BAIAP2L2: variants seen among roughly 807,000 people sequenced by gnomAD.
BAIAP2L2 encodes BAR/IMD domain containing adaptor protein 2 like 2, also known as BAR/IMD domain-containing adapter protein 2-like 2.
A neutral mutation model predicts 60.4 loss-of-function variants in BAIAP2L2; 65 were observed. The observed-to-expected ratio is 1.08, with a 90% CI of 0.88 to 1.32. The LOEUF is 1.32. Ranked by LOEUF, BAIAP2L2 falls within the 40% of genes most tolerant of loss-of-function variation. The pLI, the probability that BAIAP2L2 is intolerant of heterozygous loss-of-function variation, is 0.00. For synonymous variants in BAIAP2L2, 344 were observed against 301.7 expected (o/e 1.14, Z -1.45); for missense variants, 836 against 741.2 (o/e 1.13, Z -1.48).
Position 38,110,558 on chromosome 22 carries a change from G to C in BAIAP2L2, c.-33C>G. 6.3e-7 allele frequency: 1 copy of C among 1,582,372 alleles called. No homozygotes were observed. ...CTGTCCCGGGTCTGAGCAGGAGGCTGGGAGCTGGTGGCGATGGCACAGCCG... is the reference window on the plus strand; with the variant it reads ...CTGTCCCGGGTCTGAGCAGGAGGCTCGGAGCTGGTGGCGATGGCACAGCCG... On this transcript the variant is annotated 5_prime_UTR_variant, in exon 1 of 14. Coordinates refer to ENST00000381669, the MANE Select transcript of BAIAP2L2 (RefSeq NM_025045.6).
intron 3 of BAIAP2L2, 56 bp downstream of exon 3, chr22:38,108,199 C>G: frequency 6.6e-7 from 1 of 1,512,168 alleles, no homozygotes; most frequent in Non-Finnish European, 9.1e-7. Context: ...CCTGGAAGGG[C>G]AAGGGTGCAA....
intron 1 of BAIAP2L2, among the ~76,000 whole-genome samples, chr22:38,110,088 A>AGAGAGAGAGAGAGAGAGAGG (rs2086787647): frequency 3.5e-5 from 1 of 28,944 alleles, no homozygotes; most frequent in Non-Finnish European, 8.9e-5. Flanking sequence ...AGAGACAGAG[A>AGAGAGAGAGAGAGAGAGAGG]GAGAGAGAGA....
At chr22:38,089,412 T>G in intron 8 of BAIAP2L2, 110 bp downstream of exon 8, 4 of 601,244 alleles carry the variant, frequency 6.7e-6, no homozygotes, top group Non-Finnish European at 9.4e-6. Context: ...GGATGCAGCG[T>G]AGAGCGGGAG....
At chr22:38,108,674 G>C (rs372684391) in intron 2 of BAIAP2L2, among the ~76,000 whole-genome samples, 77 of 152,210 alleles carry the variant, frequency 5.1e-4, no homozygotes, top group African/African-American at 1.7e-3. Flanking sequence ...CACGGGGACC[G>C]AGTGAATGTC....
At position 38,087,191 on chromosome 22, in the gene BAIAP2L2, G is replaced by T; in HGVS notation, c.1192C>A (p.Pro398Thr). The change falls in exon 11 of 14, where the codon CCC (proline) becomes ACC (threonine). Residue 398 changes from proline to threonine, a missense_variant. By Grantham distance (38) the Pro-to-Thr change is conservative. Coordinates refer to ENST00000381669, the MANE Select transcript of BAIAP2L2 (RefSeq NM_025045.6). ...GACATGGAGGTCATGGAGGTCATGG[G>T]GGTCACGGGGGTCATGGGATTCACG... ...GPVNPMTPVTPMTSMTSMSPM... is the reference protein window; with the variant it reads ...GPVNPMTPVTTMTSMTSMSPM... 1 of 1,498,328 alleles carries T rather than the reference G, an allele frequency of 6.7e-7. No homozygotes were observed. The highest frequency in any genetic ancestry group is 9.1e-7 in the Non-Finnish European group (1 of 1,094,644). The allele number at this position is 1,498,328 out of a possible 1,614,324, so 92.8% of individuals were successfully genotyped here.
At position 38,088,820 on chromosome 22, in the gene BAIAP2L2, C is replaced by T; in HGVS notation, c.1046G>A (p.Gly349Glu). Residue 349 changes from glycine to glutamate, a missense_variant, in exon 10 of 14, where the codon GGG (glycine) becomes GAG (glutamate). Transcript: ENST00000381669. ...GGGCACCAACACCTCCACCACGTCC[C>T]CAGCGGAGAAGCGCAGCAGCGTGTG... ...ANHTLLRFSA[G>E]DVVEVLVPEA... 6.2e-7 allele frequency: 1 copy of T among 1,600,952 alleles called. No individual in the cohort carries two copies. The highest frequency in any genetic ancestry group is 1.3e-5 in the African/African-American group (1 of 75,020).
chr22:38,100,398 T>C (rs2146014815), intron 4 of BAIAP2L2, among the ~76,000 whole-genome samples: 1 of 152,168 alleles, frequency 6.6e-6, no homozygotes, highest in East Asian at 1.9e-4. Context: ...TGGTGGCGGC[T>C]GCCTGTAATC....
At chr22:38,088,712 C>A in intron 10 of BAIAP2L2, 36 bp downstream of exon 10, 1 of 1,542,534 alleles carries the variant, frequency 6.5e-7, no homozygotes, top group South Asian at 1.2e-5. Flanking sequence ...GCCTTCTTCT[C>A]AACCCACCCC....
Position 38,097,069 on chromosome 22 carries a change from A to G in BAIAP2L2, c.575T>C (p.Leu192Pro), listed in dbSNP as rs759020049. The G allele has an allele frequency of 2.0e-5, 32 of 1,613,950 alleles. No homozygotes were observed. The highest frequency in any genetic ancestry group is 2.5e-6 in the Non-Finnish European group (3 of 1,179,980). Residue 192 changes from leucine (L) to proline (P), a missense_variant, in exon 7 of 14, where the codon CTG (leucine) becomes CCG (proline). Physicochemically the swap from Leu to Pro is moderately conservative, Grantham distance 98. Transcript: ENST00000381669. The stretch of plus-strand genomic sequence containing the variant: ...CTGCAGGAAGGTGTTGGAAAGTAGC[A>G]GGTGCTTCTCTGCTAGGAAGCGATA... ...RRYRFLAEKH[L>P]LLSNTFLQFF...
chr22:38,086,510 G>T, intron 11 of BAIAP2L2, 61 bp from the exon 12 acceptor site: 2 of 1,313,606 alleles, frequency 1.5e-6, no homozygotes, highest in Non-Finnish European at 2.0e-6. Context: ...CCCTTGTCCT[G>T]CCAGTAGCTG....
intron 7 of BAIAP2L2, chr22:38,093,840 T>C (rs1394086212): frequency 6.7e-6 from 3 of 448,952 alleles, no homozygotes; most frequent in Non-Finnish European, 4.5e-6. Flanking sequence ...ACAATTCTAC[T>C]CTTATATACC....
At chr22:38,096,515 C>T (rs2086430979) in intron 7 of BAIAP2L2, among the ~76,000 whole-genome samples, 1 of 152,060 alleles carries the variant, frequency 6.6e-6, no homozygotes, top group South Asian at 2.1e-4. Context: ...ATTAGCCGGG[C>T]GTGATAGCAC....
intron 7 of BAIAP2L2, chr22:38,091,507 T>C (rs1305740261): frequency 6.6e-6 from 1 of 152,162 alleles, no homozygotes; most frequent in East Asian, 1.9e-4. Flanking sequence ...CCCATAAATA[T>C]ATACACCTAC....
rs757594240 is a variant in BAIAP2L2, at chr22:38,110,481, G to C, written c.45C>G (p.Ile15Met). ...TGGCCACCCATGTGCTCACCTTGTAGATGGCCATGGTGGACCTGTAGAACT... is the reference window on the plus strand; with the variant it reads ...TGGCCACCCATGTGCTCACCTTGTACATGGCCATGGTGGACCTGTAGAACT... ...MDQFYRSTMA[I>M]YKSIMEQFNP... The change falls in exon 1 of 14, where the codon ATC becomes ATG. Residue 15 changes from isoleucine to methionine, a missense_variant. Coordinates refer to ENST00000381669, the MANE Select transcript of BAIAP2L2 (RefSeq NM_025045.6). The C allele has an allele frequency of 6.2e-7, 1 of 1,612,176 alleles. No homozygotes were observed. Among genetic ancestry groups the C allele is most frequent in the Non-Finnish European group, 8.5e-7 (1 of 1,179,276 alleles).
chr22:38,089,082 G>A lies in BAIAP2L2; in HGVS notation c.901+14C>T. The A allele has an allele frequency of 7.2e-7, 1 of 1,381,728 alleles. No homozygotes were observed. Among genetic ancestry groups the A allele is most frequent in the Non-Finnish European group, 9.3e-7 (1 of 1,073,642 alleles). 85.6% of individuals were successfully genotyped at this position (1,381,728 alleles called of 1,614,324 possible). A position where few individuals can be genotyped will look rare whatever the true frequency, so the allele number is the denominator to read the frequency against. Reference sequence around the variant, plus strand: ...CTCCCGGCCCTCCTGCCGCCCCGGGGCGGGGGCACTCACAGGCCGACGGCG... The same window carrying A: ...CTCCCGGCCCTCCTGCCGCCCCGGGACGGGGGCACTCACAGGCCGACGGCG... On this transcript the variant is annotated intron_variant, in intron 9 of 13. Transcript: ENST00000381669.
chr22:38,088,142 C>G (rs1011881629), intron 10 of BAIAP2L2, among the ~76,000 whole-genome samples: 8 of 152,248 alleles, frequency 5.3e-5, no homozygotes, highest in African/African-American at 1.7e-4. Context: ...GGGGCACTGC[C>G]TGGCTCCAGC....
At position 38,086,264 on chromosome 22, in the gene BAIAP2L2, G is replaced by A. The variant is rs750367236; in HGVS notation, c.1445C>T (p.Thr482Ile). ...PSSRRSSMGS[T>I]AVATDVKKLM... ...CACCTTGACGTCAGTGGCAACTGCT[G>A]TGCTGCCCATGCTGCTGCGGCGGCT... The change falls in exon 12 of 14, where the codon ACA (threonine) becomes ATA (isoleucine). Residue 482 changes from threonine to isoleucine, a missense_variant. Thr to Ile is a moderately conservative substitution (Grantham distance 89). Coordinates refer to ENST00000381669, the MANE Select transcript of BAIAP2L2 (RefSeq NM_025045.6). 5.6e-6 allele frequency: 9 copies of A among 1,611,732 alleles called. No homozygotes were observed. Among genetic ancestry groups the A allele is most frequent in the East Asian group, 4.5e-5 (2 of 44,878 alleles).
rs1569234445 is a variant in BAIAP2L2 at position 38,110,131 on chromosome 22, GA to G, written c.51+343del. ...AGGGAGAGAGAGAGGGAGAGAGAGA[GA>G]GAGAGAGAGAGAGAGAGGGAGAGAC... On this transcript the variant is annotated intron_variant, in intron 1 of 13. Transcript: ENST00000381669. Among the ~76,000 whole-genome samples, 31 of 75,090 alleles carry G rather than the reference GA, an allele frequency of 4.1e-4. 3 individuals carry two copies. The highest frequency in any genetic ancestry group is 3.6e-3 in the African/African-American group (31 of 8,512). 49.3% of individuals were successfully genotyped at this position (75,090 alleles called of 152,430 possible). A position where few individuals can be genotyped will look rare whatever the true frequency, so the allele number is the denominator to read the frequency against.
intron 10 of BAIAP2L2, among the ~76,000 whole-genome samples, chr22:38,087,978 G>A (rs1003309237): frequency 4.7e-5 from 7 of 149,764 alleles, no homozygotes; most frequent in East Asian, 2.0e-4. Context: ...CCATTCGCCT[G>A]TCCACCATCC....
Sources: gnomAD v4.1 joint callset for allele counts (sites outside exome capture counted in the v4.1 genomes callset) on GRCh38, gnomAD v4.1.1 for gene constraint, MANE v1.5 for transcripts, NCBI Gene and HGNC (gene_info 2026-07-23, HGNC 2026-07-21) for gene names.